PPEF2: variants seen among roughly 807,000 people sequenced by gnomAD.
PPEF2 encodes protein phosphatase with EF-hand domain 2.
A neutral mutation model predicts 84.7 loss-of-function variants in PPEF2; 84 were observed. The ratio of observed to expected loss-of-function variants is 0.99; its 90% CI spans 0.83 to 1.19. The LOEUF is 1.19. Among genes scored for constraint, PPEF2 ranks in the 50% most tolerant of loss-of-function variants. The probability of loss-of-function intolerance (pLI) is 0.00; values close to 1 mark genes in which losing one functional copy is unlikely to be tolerated. For synonymous variants in PPEF2, 346 were observed against 345.2 expected, an observed-to-expected ratio of 1.00 and a Z score of -0.03; for missense variants, 924 against 937.5, an observed-to-expected ratio of 0.99 and a Z score of 0.19.
Position 75,864,459 on chromosome 4 carries a change from G to A in PPEF2, c.1989C>T (p.Ile663=), listed in dbSNP as rs749243414. 6.8e-6 allele frequency: 11 copies of A among 1,608,126 alleles called. No homozygotes were observed. The highest frequency in any genetic ancestry group is 8.5e-6 in the Non-Finnish European group (10 of 1,174,648). Residue 663 remains isoleucine, a synonymous_variant, in exon 16 of 17, where the codon ATC becomes ATT. Coordinates refer to ENST00000286719, the MANE Select transcript of PPEF2 (RefSeq NM_006239.3). ...CTTTACCTGAATGATCACTGTCTAT[G>A]ATCCTAAAAATGGTCTCTAGGTTGG... The part of the protein sequence containing the change: ...NRSNLETIFR[I]IDSDHSGFIS...
Position 75,872,985 on chromosome 4 carries a change from A to C in PPEF2, c.1506+142T>G, listed in dbSNP as rs1241584585. 3 of 735,970 alleles carry C rather than the reference A, an allele frequency of 4.1e-6. No homozygotes were observed. The Admixed American group carries it at 9.5e-5, about 23-fold the overall frequency. 45.6% of individuals were successfully genotyped at this position (735,970 alleles called of 1,614,324 possible). A position where few individuals can be genotyped will look rare whatever the true frequency, so the allele number is the denominator to read the frequency against. On this transcript the variant is annotated intron_variant, in intron 12 of 16. Transcript: ENST00000286719. ...AGTCAAGGATAAATGACTGTAAAGG[A>C]CCTAGTTGCTTTGAGCAAGTAGGTA... is the stretch of plus-strand genomic sequence containing the variant.
chr4:75,889,227 A>G (rs990798256), intron 5 of PPEF2: 2 of 152,576 alleles, frequency 1.3e-5, no homozygotes, highest in Non-Finnish European at 2.9e-5. Flanking sequence ...AACAAAACAA[A>G]AAAACAAGTC....
intron 5 of PPEF2, among the ~76,000 whole-genome samples, 158 bp downstream of exon 5, chr4:75,889,799 T>C (rs921354943): frequency 6.6e-6 from 1 of 152,220 alleles, no homozygotes; most frequent in Non-Finnish European, 1.5e-5. Context: ...GCTGATTGAC[T>C]GCAAGGTCCT....
In PPEF2 at chr4:75,872,018, G is replaced by C. The variant is rs544413220; in HGVS notation, c.1649+7C>G. The C allele has an allele frequency of 1.9e-6, 3 of 1,577,502 alleles. No individual in the cohort carries two copies. Among genetic ancestry groups the C allele is most frequent in the East Asian group, 2.3e-5 (1 of 44,302 alleles). On this transcript the variant is annotated splice_region_variant and intron_variant, in intron 13 of 16. Coordinates refer to ENST00000286719, the MANE Select transcript of PPEF2 (RefSeq NM_006239.3). ...TTTTCTGAAAATCACTCATTGAAAA[G>C]TCTTGCCTTTGCCTCATGGTGAGTG... is the stretch of plus-strand genomic sequence containing the variant.
At chr4:75,867,129 G>A (rs972347433) in intron 14 of PPEF2, among the ~76,000 whole-genome samples, 184 bp downstream of exon 14, 3 of 152,112 alleles carry the variant, frequency 2.0e-5, no homozygotes, top group Middle Eastern at 3.2e-3. Flanking sequence ...TTTGTTAAAA[G>A]CTTACAATTT....
intron 1 of PPEF2, 140 bp from the exon 2 acceptor site, chr4:75,896,523 G>T (rs1578017834): frequency 3.2e-6 from 2 of 622,598 alleles, no homozygotes; most frequent in Non-Finnish European, 5.8e-6. Flanking sequence ...TCCCCTGAGA[G>T]TTCCCTCCAT....
intron 5 of PPEF2, chr4:75,889,056 A>T (rs942915867): frequency 2.0e-5 from 3 of 152,160 alleles, no homozygotes; most frequent in Admixed American, 6.6e-5. Context: ...CTAAAAATAT[A>T]AAAAAATTAG....
chr4:75,901,388 T>G (rs976090939), intron 1 of PPEF2, among the ~76,000 whole-genome samples: 4 of 151,964 alleles, frequency 2.6e-5, no homozygotes, highest in South Asian at 2.1e-4. Flanking sequence ...TGGTGGCACA[T>G]GCCTATAATA....
chr4:75,881,277 T>G (rs1724567585), intron 10 of PPEF2: 1 of 151,734 alleles, frequency 6.6e-6, no homozygotes, highest in Non-Finnish European at 1.5e-5. Context: ...TTTTTGTATT[T>G]TTAGTAGAGA....
chr4:75,886,208 C>T (rs1362482156), intron 7 of PPEF2, among the ~76,000 whole-genome samples: 1 of 152,136 alleles, frequency 6.6e-6, no homozygotes, highest in African/African-American at 2.4e-5. Flanking sequence ...CCCGCCCAGG[C>T]TGAACCACAG....
At chr4:75,887,582 C>T (rs1243012647) in intron 6 of PPEF2, among the ~76,000 whole-genome samples, 2 of 150,522 alleles carry the variant, frequency 1.3e-5, no homozygotes, top group Admixed American at 6.6e-5. Context: ...GATTGCACCA[C>T]TGCCCTCCAG....
chr4:75,892,725 C>A (rs1015599247), intron 2 of PPEF2, among the ~76,000 whole-genome samples: 34 of 152,104 alleles, frequency 2.2e-4, no homozygotes, highest in African/African-American at 8.0e-4. Context: ...TGCTAGGTGA[C>A]CAGGTAGGGC....
At chr4:75,884,985 C>T (rs896520441) in intron 7 of PPEF2, among the ~76,000 whole-genome samples, 1 of 152,118 alleles carries the variant, frequency 6.6e-6, no homozygotes, top group African/African-American at 2.4e-5. Flanking sequence ...TTAGACAAAG[C>T]CTGAGTGTTG....
intron 7 of PPEF2, among the ~76,000 whole-genome samples, chr4:75,885,674 G>C (rs1724701468): frequency 6.6e-6 from 1 of 152,074 alleles, no homozygotes; most frequent in African/African-American, 2.4e-5. Flanking sequence ...GACCAGCCTG[G>C]CCAACATGGC....
rs775433732 is a variant in PPEF2, at chr4:75,876,381, AC to A, written c.1225del (p.Val409Ter). ...GGAGGGCTCCTCTTTCTCTCCGGTC[AC>A]CAGGAGGCCTGCTTGCTGCCGGCAC... ...ERCRQQAGLL[V>X]TGEKEEPSRS... On this transcript the variant is annotated frameshift_variant, in exon 11 of 17. Coordinates refer to ENST00000286719, the MANE Select transcript of PPEF2 (RefSeq NM_006239.3). LOFTEE classifies it high-confidence loss of function. 38 of 1,613,964 alleles carry A rather than the reference AC, an allele frequency of 2.4e-5. No individual in the cohort carries two copies. In the African/African-American group the frequency reaches 4.9e-4, roughly 21 times the overall value.
At chr4:75,898,792 A>T (rs2149231647) in intron 1 of PPEF2, among the ~76,000 whole-genome samples, 1 of 152,338 alleles carries the variant, frequency 6.6e-6, no homozygotes, top group South Asian at 2.1e-4. Flanking sequence ...ACATGTATAC[A>T]TTGTGTGATC....
intron 1 of PPEF2, among the ~76,000 whole-genome samples, chr4:75,898,858 G>T (rs1725063706): frequency 6.6e-6 from 1 of 151,940 alleles, no homozygotes; most frequent in Non-Finnish European, 1.5e-5. Flanking sequence ...TCTTTGTTAT[G>T]AGGACATTCA....
intron 10 of PPEF2, among the ~76,000 whole-genome samples, chr4:75,878,497 A>G (rs1724486217): frequency 6.6e-6 from 1 of 152,240 alleles, no homozygotes; most frequent in Non-Finnish European, 1.5e-5. Flanking sequence ...CAAGAAAGCC[A>G]CGTCCCAGCT....
chr4:75,886,664 G>T (rs918455883), intron 7 of PPEF2, among the ~76,000 whole-genome samples, 188 bp downstream of exon 7: 1 of 152,076 alleles, frequency 6.6e-6, no homozygotes, highest in Non-Finnish European at 1.5e-5. Context: ...AGGTTGCAGT[G>T]AGCCTAGATC....
Sources: allele counts gnomAD v4.1 joint callset (sites outside exome capture counted in the v4.1 genomes callset), GRCh38; gene constraint gnomAD v4.1.1; transcripts MANE v1.5; gene names NCBI Gene and HGNC (gene_info 2026-07-23, HGNC 2026-07-21).